The following UBR1 variants were observed in gnomAD, a reference collection of about 807,000 sequenced individuals.
The protein encoded by UBR1 is ubiquitin protein ligase E3 component n-recognin 1.
UBR1 carries 102 observed loss-of-function variants against 242.1 expected under a neutral mutation model. The ratio of observed to expected loss-of-function variants is 0.42; its 90% CI spans 0.36 to 0.50. The LOEUF (loss-of-function observed/expected upper bound fraction) is 0.50, where lower values mean the gene tolerates loss of function less well. UBR1 is among the 20% of genes least tolerant of loss of function. UBR1 has a pLI of 0.01. For missense variants in UBR1, 1,772 were observed against 2,101.8 expected (o/e 0.84, Z 3.07); for synonymous variants, 675 against 684.8 (o/e 0.99, Z 0.22).
At chr15:43,013,098 G>T (rs1457664854) in intron 29 of UBR1, among the ~76,000 whole-genome samples, 2 of 152,110 alleles carry the variant, frequency 1.3e-5, no homozygotes, top group Admixed American at 6.6e-5. Flanking sequence ...TAGAGACGGG[G>T]TTTTGCCTGT....
chr15:43,021,864 A>C (rs2033114906), intron 26 of UBR1, among the ~76,000 whole-genome samples: 1 of 152,210 alleles, frequency 6.6e-6, no homozygotes, highest in African/African-American at 2.4e-5. Flanking sequence ...TAATTATTCA[A>C]TGGACAAATC....
intron 27 of UBR1, among the ~76,000 whole-genome samples, chr15:43,018,427 T>A (rs983379140): frequency 5.3e-5 from 8 of 152,210 alleles, no homozygotes; most frequent in African/African-American, 1.9e-4. Flanking sequence ...TTTCAGTCTG[T>A]CGTCCAGGCT....
intron 39 of UBR1, among the ~76,000 whole-genome samples, chr15:42,972,872 A>G (rs1473553064): frequency 6.6e-6 from 1 of 152,184 alleles, no homozygotes; most frequent in Non-Finnish European, 1.5e-5. Context: ...AAGAAGCATG[A>G]CTGCTGGATC....
At chr15:42,958,163 G>A in intron 43 of UBR1, 73 bp from the exon 44 acceptor site, 1 of 977,806 alleles carries the variant, frequency 1.0e-6, no homozygotes, top group South Asian at 1.4e-5. Flanking sequence ...CAAAGTGATA[G>A]AAGAATGTCT....
intron 2 of UBR1, among the ~76,000 whole-genome samples, chr15:43,084,996 A>T (rs2034017445): frequency 6.6e-6 from 1 of 152,230 alleles, no homozygotes; most frequent in African/African-American, 2.4e-5. Flanking sequence ...ACGAAGTTTA[A>T]GGCACTGCTC....
At chr15:42,999,866 A>G (rs984880020) in intron 32 of UBR1, among the ~76,000 whole-genome samples, 8 of 152,146 alleles carry the variant, frequency 5.3e-5, no homozygotes, top group African/African-American at 1.9e-4. Flanking sequence ...ATTAAAAATA[A>G]AATAGGAATC....
intron 6 of UBR1, among the ~76,000 whole-genome samples, chr15:43,062,323 G>A (rs760025361): frequency 5.3e-5 from 8 of 151,734 alleles, no homozygotes; most frequent in African/African-American, 9.7e-5. Context: ...GTACATATAT[G>A]TATATATGTG....
intron 4 of UBR1, among the ~76,000 whole-genome samples, 198 bp downstream of exon 4, chr15:43,074,781 A>C (rs1168880689): frequency 6.6e-6 from 1 of 152,178 alleles, no homozygotes; most frequent in East Asian, 1.9e-4. Context: ...TCATCTTTTC[A>C]TTGTAAATTC....
In UBR1 at chr15:43,006,858, T is replaced by C. The variant is rs192851365; in HGVS notation, c.3415+221A>G. Among the ~76,000 whole-genome samples, 20 of 151,688 alleles carry C rather than the reference T, an allele frequency of 1.3e-4. No individual in the cohort carries two copies. The East Asian group carries it at 2.9e-3, about 22-fold the overall frequency. On this transcript the variant is annotated intron_variant, in intron 30 of 46. Transcript: ENST00000290650. ...AACACGTGTTTGTTTGGATCCTAAG[T>C]GAAAAAAAAAGTCTAGGAATTGAAG...
chr15:42,982,394 G>A (rs1414846373), intron 37 of UBR1, among the ~76,000 whole-genome samples: 8 of 152,162 alleles, frequency 5.3e-5, no homozygotes, highest in Non-Finnish European at 1.5e-5. Flanking sequence ...GGAAGGTTCT[G>A]GCCCTGTGCA....
intron 3 of UBR1, 72 bp from the exon 4 acceptor site, chr15:43,075,161 C>G: frequency 8.6e-7 from 1 of 1,164,380 alleles, no homozygotes; most frequent in South Asian, 1.2e-5. Flanking sequence ...AAAGATGACT[C>G]AAATAATAAA....
At position 43,082,667 on chromosome 15, in the gene UBR1, C is replaced by T. The variant is rs904194823; in HGVS notation, c.388G>A (p.Asp130Asn). ...TAACGATGATTTTTATGAACACTGT[C>T]CTGGAAGCAGTCCATACAGAGTACA... is the stretch of plus-strand genomic sequence containing the variant. ...TCVLCMDCFQ[D>N]SVHKNHRYKM... is the part of the protein sequence containing the mutation. Residue 130 changes from aspartate to asparagine, a missense_variant, in exon 3 of 47, where the codon GAC becomes AAC. This residue lies in a region of UBR1 where 734 missense variants were observed against 893.3 expected (regional missense o/e 0.82). Coordinates refer to ENST00000290650, the MANE Select transcript of UBR1 (RefSeq NM_174916.3). The T allele has an allele frequency of 1.2e-6, 2 of 1,613,806 alleles. No individual in the cohort carries two copies. Among genetic ancestry groups the T allele is most frequent in the Non-Finnish European group, 1.7e-6 (2 of 1,179,846 alleles).
At chr15:43,079,301 G>T (rs1265558141) in intron 3 of UBR1, among the ~76,000 whole-genome samples, 1 of 151,716 alleles carries the variant, frequency 6.6e-6, no homozygotes, top group Non-Finnish European at 1.5e-5. Context: ...CCTCGTCTCG[G>T]TTAAAAAAAA....
intron 3 of UBR1, among the ~76,000 whole-genome samples, chr15:43,076,366 A>G (rs2033893112): frequency 6.6e-6 from 1 of 152,088 alleles, no homozygotes. Flanking sequence ...TTGGCCTCCC[A>G]AAGTGCCGAG....
At position 43,051,322 on chromosome 15, in the gene UBR1, C is replaced by G. The variant is rs148949079; in HGVS notation, c.1440-2831G>C. Among the ~76,000 whole-genome samples the G allele has an allele frequency of 5.5e-3, 840 of 152,194 alleles. 7 individuals carry two copies. The highest frequency in any genetic ancestry group is 0.019 in the African/African-American group (799 of 41,520). ...TATCCTTAGCAAACTAACGCAGAAA[C>G]AGAAAACCAAATACTGCATGTTCTC... On this transcript the variant is annotated intron_variant, in intron 12 of 46. Transcript: ENST00000290650.
At chr15:42,959,838 G>GT (rs1469936631) in intron 43 of UBR1, among the ~76,000 whole-genome samples, 2 of 152,210 alleles carry the variant, frequency 1.3e-5, no homozygotes, top group African/African-American at 4.8e-5. Context: ...GGTGAAAGGA[G>GT]TTCCAGGGTG....
At position 42,943,230 on chromosome 15, in the gene UBR1, T is replaced by G. The variant is rs1431727366; in HGVS notation, c.*2099A>C. 6.6e-6 allele frequency: 1 copy of G among 152,580 alleles called. No homozygotes were observed. The highest frequency in any genetic ancestry group is 2.4e-5 in the African/African-American group (1 of 41,442). 9.5% of individuals were successfully genotyped at this position (152,580 alleles called of 1,614,324 possible). ...ATTCTCACTAGCCCCTTACCAAACA[T>G]TAGAAAAACACAGTTCTGGAGCCAT... is the stretch of plus-strand genomic sequence containing the variant. On this transcript the variant is annotated 3_prime_UTR_variant, in exon 47 of 47. Transcript: ENST00000290650.
intron 4 of UBR1, among the ~76,000 whole-genome samples, chr15:43,072,620 C>T (rs1241245822): frequency 6.6e-6 from 1 of 152,180 alleles, no homozygotes; most frequent in Admixed American, 6.5e-5. Flanking sequence ...AGGAGGAAAA[C>T]ATCCACTGTT....
intron 37 of UBR1, among the ~76,000 whole-genome samples, chr15:42,981,736 G>T (rs552139984): frequency 6.6e-6 from 1 of 151,948 alleles, no homozygotes; most frequent in Non-Finnish European, 1.5e-5. Context: ...GTGATCCGCC[G>T]CACCCAGCCA....
Sources: gnomAD v4.1 joint callset for allele counts (sites outside exome capture counted in the v4.1 genomes callset) on GRCh38, gnomAD v4.1.1 for gene constraint, gnomAD v4.1.1 regional missense constraint, MANE v1.5 for transcripts, NCBI Gene and HGNC (gene_info 2026-07-23, HGNC 2026-07-21) for gene names.